Variants in TMEM266 observed in about 807,000 individuals in gnomAD.
TMEM266 encodes transmembrane protein 266, also known as Hv1 related protein 1.
A neutral mutation model predicts 50.5 loss-of-function variants in TMEM266; 33 were observed. The observed-to-expected ratio is 0.65, with a 90% confidence interval of 0.50 to 0.87. TMEM266 has a LOEUF of 0.87. Among genes scored for constraint, TMEM266 ranks in the 40% least tolerant of loss-of-function variants. The pLI is 0.00. For synonymous variants in TMEM266, 310 were observed against 292.3 expected (o/e 1.06, Z -0.62); for missense variants, 655 against 695.1 (o/e 0.94, Z 0.65).
intron 10 of TMEM266, 119 bp downstream of exon 10, chr15:76,202,383 C>T (rs1567187537): frequency 9.3e-6 from 8 of 861,806 alleles, no homozygotes; most frequent in Non-Finnish European, 1.4e-5. Context: ...ACCATAACTG[C>T]AGGCAGTGCT....
intron 1 of TMEM266, among the ~76,000 whole-genome samples, chr15:76,084,438 T>C (rs925534042): frequency 2.0e-5 from 3 of 152,138 alleles, no homozygotes; most frequent in Admixed American, 6.5e-5. Flanking sequence ...CTTCATAAGA[T>C]AAGGGAACTA....
intron 9 of TMEM266, among the ~76,000 whole-genome samples, chr15:76,198,302 C>T (rs1033690311): frequency 2.6e-5 from 4 of 152,204 alleles, no homozygotes; most frequent in African/African-American, 7.2e-5. Flanking sequence ...TGCCCCTCCA[C>T]GGACTGCACA....
At chr15:76,158,754 G>A (rs2037965645) in intron 4 of TMEM266, among the ~76,000 whole-genome samples, 3 of 152,174 alleles carry the variant, frequency 2.0e-5, no homozygotes, top group Admixed American at 1.3e-4. Context: ...GAGTCACACG[G>A]GCCTCAGCCT....
chr15:76,186,527 C>A (rs556556689), intron 8 of TMEM266, among the ~76,000 whole-genome samples: 1 of 152,302 alleles, frequency 6.6e-6, no homozygotes, highest in African/African-American at 2.4e-5. Context: ...GTGAAGCTTG[C>A]CAAAATCTGT....
At chr15:76,175,757 C>T in intron 8 of TMEM266, 83 bp downstream of exon 8, 1 of 1,112,930 alleles carries the variant, frequency 9.0e-7, no homozygotes, top group South Asian at 1.4e-5. Flanking sequence ...GCTAGAGCTG[C>T]AGGGGCACCA....
intron 8 of TMEM266, among the ~76,000 whole-genome samples, chr15:76,178,358 G>A (rs901240826): frequency 1.5e-4 from 23 of 152,252 alleles, no homozygotes; most frequent in African/African-American, 4.8e-4. Flanking sequence ...AAAGTGCAGG[G>A]TGTCATCCAG....
intron 1 of TMEM266, among the ~76,000 whole-genome samples, chr15:76,073,860 C>T (rs1226087394): frequency 6.6e-6 from 1 of 152,182 alleles, no homozygotes; most frequent in Non-Finnish European, 1.5e-5. Flanking sequence ...CCACCTGAGT[C>T]TGCATTTGAA....
intron 9 of TMEM266, among the ~76,000 whole-genome samples, chr15:76,199,760 T>C (rs1301990403): frequency 2.0e-4 from 4 of 20,294 alleles, no homozygotes; most frequent in African/African-American, 4.3e-4. Flanking sequence ...GAGTAAACAC[T>C]AGTCCCTCCC....
In TMEM266 at chr15:76,077,700, G is replaced by A. The variant is rs539845861; in HGVS notation, c.-97+17684G>A. ...CTGGATTGATGAAACTACAAGCCAA[G>A]GAGTTCCTGGAGTGACCAGAAGCTG... On this transcript the variant is annotated intron_variant, in intron 1 of 10. Coordinates refer to ENST00000388942, the MANE Select transcript of TMEM266 (RefSeq NM_152335.3). 4.1e-4 allele frequency among the ~76,000 whole-genome samples: 62 copies of A among 152,152 alleles called. 2 individuals carry two copies. In the South Asian group the frequency reaches 0.011, roughly 27 times the overall value.
At chr15:76,121,084 C>T (rs1190162139) in intron 1 of TMEM266, among the ~76,000 whole-genome samples, 1 of 152,008 alleles carries the variant, frequency 6.6e-6, no homozygotes, top group Non-Finnish European at 1.5e-5. Flanking sequence ...TCAACACAAA[C>T]CCACAAATAT....
At chr15:76,169,378 T>C (rs1194722035) in intron 5 of TMEM266, among the ~76,000 whole-genome samples, 3 of 152,046 alleles carry the variant, frequency 2.0e-5, no homozygotes, top group Non-Finnish European at 4.4e-5. Flanking sequence ...TTTTGCCACA[T>C]GCAAAGACAA....
At chr15:76,195,506 G>A (rs762171183) in intron 9 of TMEM266, among the ~76,000 whole-genome samples, 1 of 152,220 alleles carries the variant, frequency 6.6e-6, no homozygotes, top group Non-Finnish European at 1.5e-5. Flanking sequence ...TCTGGAAGGT[G>A]GGAGCAATTT....
chr15:76,112,453 AAAAT>A (rs1436284888), intron 1 of TMEM266: 1 of 152,210 alleles, frequency 6.6e-6, no homozygotes, highest in African/African-American at 2.4e-5. Flanking sequence ...GTTTCCATAA[AAAAT>A]AAAGTCTATT....
chr15:76,119,372 AG>A (rs1266428143), intron 1 of TMEM266, among the ~76,000 whole-genome samples: 2 of 133,368 alleles, frequency 1.5e-5, no homozygotes, highest in African/African-American at 5.6e-5. Context: ...GGTTTCGTTT[AG>A]GGGGTTAGGG....
At chr15:76,141,038 A>G (rs534572221) in intron 3 of TMEM266, among the ~76,000 whole-genome samples, 1 of 152,190 alleles carries the variant, frequency 6.6e-6, no homozygotes, top group East Asian at 1.9e-4. Flanking sequence ...CCCTGTCTCA[A>G]CAACAACAAA....
chr15:76,132,113 A>ATTT (rs10648544), intron 1 of TMEM266, among the ~76,000 whole-genome samples: 36 of 145,876 alleles, frequency 2.5e-4, no homozygotes, highest in African/African-American at 4.5e-4. Context: ...TACCAATCCA[A>ATTT]TTTTTTTTTT....
intron 1 of TMEM266, among the ~76,000 whole-genome samples, chr15:76,076,374 C>T (rs1000131496): frequency 4.6e-5 from 7 of 152,102 alleles, no homozygotes; most frequent in Non-Finnish European, 1.0e-4. Flanking sequence ...CACTCCTTCT[C>T]TTGGACCCTC....
intron 3 of TMEM266, among the ~76,000 whole-genome samples, chr15:76,155,334 G>A (rs2037909338): frequency 6.6e-6 from 1 of 152,140 alleles, no homozygotes; most frequent in South Asian, 2.1e-4. Flanking sequence ...GTATTCCCCA[G>A]GCCCCTCAGA....
At chr15:76,201,744 G>C (rs1447921624) in intron 9 of TMEM266, among the ~76,000 whole-genome samples, 2 of 152,176 alleles carry the variant, frequency 1.3e-5, no homozygotes, top group Non-Finnish European at 2.9e-5. Flanking sequence ...GAGCCACGGG[G>C]GGCTATCTGG....
Sources: gnomAD v4.1 joint callset for allele counts (sites outside exome capture counted in the v4.1 genomes callset) on GRCh38, gnomAD v4.1.1 for gene constraint, MANE v1.5 for transcripts, NCBI Gene and HGNC (gene_info 2026-07-23, HGNC 2026-07-21) for gene names.